Variants in RBFOX1 observed in about 807,000 individuals in gnomAD.
The protein encoded by RBFOX1 is RNA binding protein fox-1 homolog 1.
Under a neutral mutation model 57.7 loss-of-function variants are expected in RBFOX1, and 8 were observed. The observed-to-expected ratio is 0.14, with a 90% CI of 0.08 to 0.25. The LOEUF (loss-of-function observed/expected upper bound fraction) is 0.25, where lower values mean the gene tolerates loss of function less well. Ranked by LOEUF, RBFOX1 falls within the 10% of genes least tolerant of loss-of-function variation. The probability of loss-of-function intolerance (pLI) is 1.00; values close to 1 mark genes in which losing one functional copy is unlikely to be tolerated. For synonymous variants in RBFOX1, 326 were observed against 222.4 expected, an observed-to-expected ratio of 1.47 and a Z score of -4.15; for missense variants, 611 against 548.5, an observed-to-expected ratio of 1.11 and a Z score of -1.14.
intron 13 of RBFOX1, among the ~76,000 whole-genome samples, chr16:7,673,716 G>A (rs2072354858): frequency 6.6e-6 from 1 of 152,188 alleles, no homozygotes; most frequent in Non-Finnish European, 1.5e-5. Context: ...GATGCACAAT[G>A]ACAATTTGAA....
intron 2 of RBFOX1, among the ~76,000 whole-genome samples, chr16:6,496,688 G>T (rs189905576): frequency 2.0e-5 from 3 of 152,118 alleles, no homozygotes; most frequent in African/African-American, 7.2e-5. Flanking sequence ...GGCCGGGCAC[G>T]GTGTCTCATG....
chr16:7,469,365 G>T (rs1244202762), intron 4 of RBFOX1, among the ~76,000 whole-genome samples: 1 of 152,016 alleles, frequency 6.6e-6, no homozygotes, highest in African/African-American at 2.4e-5. Flanking sequence ...CCTGGCCCCA[G>T]CCTGAGTGAT....
intron 3 of RBFOX1, among the ~76,000 whole-genome samples, chr16:6,892,109 C>T (rs1596353910): frequency 1.3e-5 from 2 of 152,156 alleles, no homozygotes; most frequent in Admixed American, 6.5e-5. Context: ...AGCACGTTGA[C>T]TCTTACCCAA....
chr16:7,557,662 C>T (rs1004392689), intron 5 of RBFOX1, among the ~76,000 whole-genome samples: 14 of 131,194 alleles, frequency 1.1e-4, no homozygotes, highest in Admixed American at 2.3e-4. Flanking sequence ...AAAAAAAAAG[C>T]ATTTTCTTAA....
intron 3 of RBFOX1, among the ~76,000 whole-genome samples, chr16:6,987,646 C>A (rs1050916275): frequency 6.6e-6 from 1 of 152,118 alleles, no homozygotes; most frequent in East Asian, 1.9e-4. Flanking sequence ...TAGCTCATGA[C>A]TGGGGCCTCC....
At chr16:6,650,273 T>C (rs1156384976) in intron 2 of RBFOX1, among the ~76,000 whole-genome samples, 1 of 134,554 alleles carries the variant, frequency 7.4e-6, no homozygotes, top group African/African-American at 2.5e-5. Flanking sequence ...TGCTTGGTTT[T>C]ATTTTTATTT....
At chr16:7,347,743 T>G (rs577644645) in intron 4 of RBFOX1, among the ~76,000 whole-genome samples, 20 of 152,312 alleles carry the variant, frequency 1.3e-4, no homozygotes, top group African/African-American at 4.8e-4. Context: ...ATCGTATGTC[T>G]CAATCTTTAT....
chr16:7,049,998 C>T (rs1226284358), intron 3 of RBFOX1, among the ~76,000 whole-genome samples: 1 of 152,154 alleles, frequency 6.6e-6, no homozygotes, highest in Non-Finnish European at 1.5e-5. Flanking sequence ...ACCCATTAAG[C>T]AGTCACTCCT....
At chr16:6,538,794 T>C (rs191676056) in intron 2 of RBFOX1, among the ~76,000 whole-genome samples, 2 of 152,322 alleles carry the variant, frequency 1.3e-5, no homozygotes, top group Admixed American at 6.5e-5. Flanking sequence ...GGCCTCTGTC[T>C]TGTTTGCTAA....
intron 3 of RBFOX1, chr16:6,773,944 T>C (rs1161751569): frequency 5.1e-6 from 5 of 985,270 alleles, no homozygotes; most frequent in Non-Finnish European, 6.0e-6. Context: ...TTTGTGTGTG[T>C]GCACACGCAC....
At chr16:6,226,452 G>A (rs144506668) in intron 1 of RBFOX1, among the ~76,000 whole-genome samples, 68 of 151,072 alleles carry the variant, frequency 4.5e-4, no homozygotes, top group African/African-American at 1.5e-3. Context: ...TGTCTTTCCT[G>A]TGGCACAGGT....
At chr16:7,600,894 G>A (rs536951741) in intron 9 of RBFOX1, among the ~76,000 whole-genome samples, 36 of 152,296 alleles carry the variant, frequency 2.4e-4, no homozygotes, top group Admixed American at 7.8e-4. Context: ...AGAATGAGCC[G>A]TAGGCTTCTG....
intron 3 of RBFOX1, among the ~76,000 whole-genome samples, chr16:7,004,318 A>G (rs1248625330): frequency 6.6e-6 from 1 of 152,200 alleles, no homozygotes. Flanking sequence ...ACCTAAGGTT[A>G]TATTTGTGTA....
At position 6,481,270 on chromosome 16, in the gene RBFOX1, T is replaced by G. The variant is rs1176735387; in HGVS notation, c.-64+164213T>G. On this transcript the variant is annotated intron_variant, in intron 2 of 15. Transcript: ENST00000550418. ...TGCCTTGTAGTTACAGCTGTAAATG[T>G]GGGCCTTCATGTCCCTTTGGGTGGC... 1.2e-4 allele frequency among the ~76,000 whole-genome samples: 18 copies of G among 152,342 alleles called. No individual in the cohort carries two copies. In the South Asian group the frequency reaches 3.7e-3, roughly 32 times the overall value.
intron 3 of RBFOX1, among the ~76,000 whole-genome samples, chr16:5,851,739 A>G (rs1485896920): frequency 6.6e-6 from 1 of 152,194 alleles, no homozygotes; most frequent in African/African-American, 2.4e-5. Flanking sequence ...GTGTCCTTTT[A>G]AAAAGAGTCA....
chr16:6,290,476 C>A (rs534318664), intron 1 of RBFOX1, among the ~76,000 whole-genome samples: 8 of 152,066 alleles, frequency 5.3e-5, no homozygotes, highest in African/African-American at 1.9e-4. Context: ...TGAAAGTGAG[C>A]ATCAGTCACT....
chr16:5,849,119 C>T (rs2056827588), intron 3 of RBFOX1, among the ~76,000 whole-genome samples: 1 of 152,022 alleles, frequency 6.6e-6, no homozygotes, highest in Non-Finnish European at 1.5e-5. Context: ...AGGCAGAGTC[C>T]ATTGGAGCGT....
chr16:6,140,279 C>T (rs1340961834), intron 1 of RBFOX1, among the ~76,000 whole-genome samples: 2 of 151,880 alleles, frequency 1.3e-5, no homozygotes, highest in African/African-American at 4.8e-5. Context: ...GCAGCCTCCA[C>T]CTCCTGGGTT....
chr16:6,204,380 A>G (rs539056182), intron 1 of RBFOX1, among the ~76,000 whole-genome samples: 1 of 152,178 alleles, frequency 6.6e-6, no homozygotes, highest in South Asian at 2.1e-4. Context: ...TGAGGGTGCA[A>G]TGTTGTGGGG....
Sources: allele counts gnomAD v4.1 joint callset (sites outside exome capture counted in the v4.1 genomes callset), GRCh38; gene constraint gnomAD v4.1.1; transcripts MANE v1.5; gene names NCBI Gene and HGNC (gene_info 2026-07-23, HGNC 2026-07-21).